The following PSMA6 variants were observed in gnomAD, a reference collection of about 807,000 sequenced individuals.
PSMA6 encodes proteasome subunit alpha type-6.
For missense variants in PSMA6, 170 were observed against 294.8 expected, an observed-to-expected ratio of 0.58 and a Z score of 3.10; for synonymous variants, 88 against 97.7, an observed-to-expected ratio of 0.90 and a Z score of 0.59.
chr14:35,310,886 C>G lies in PSMA6; in HGVS notation c.400C>G (p.Leu134Val). Reference protein sequence around the residue: ...VYTQNAEMRPLGCCMILIGID... With the variant: ...VYTQNAEMRPVGCCMILIGID... ...CACACAGAATGCTGAAATGAGGCCT[C>G]TTGGTTGTTGTAAGTATGCTAAGAG... The change falls in exon 4 of 7, where the codon CTT becomes GTT. Residue 134 changes from leucine (L) to valine (V), a missense_variant. Coordinates refer to ENST00000261479, the MANE Select transcript of PSMA6 (RefSeq NM_002791.3). The G allele has an allele frequency of 6.2e-7, 1 of 1,613,536 alleles. No individual in the cohort carries two copies. Among genetic ancestry groups the G allele is most frequent in the Non-Finnish European group, 8.5e-7 (1 of 1,179,752 alleles).
At chr14:35,292,810 CTG>C in intron 1 of PSMA6, 1 of 604,644 alleles carries the variant, frequency 1.7e-6, no homozygotes, top group Non-Finnish European at 2.9e-6. Context: ...GAAGATAGGG[CTG>C]TAATGCCTGA....
chr14:35,302,263 A>G (rs1220169837), intron 1 of PSMA6, among the ~76,000 whole-genome samples: 2 of 152,112 alleles, frequency 1.3e-5, no homozygotes, highest in Admixed American at 6.6e-5. Flanking sequence ...ATTTCTGGCC[A>G]TGTTGTCCAG....
chr14:35,308,611 A>AT (rs2051878784), intron 2 of PSMA6, among the ~76,000 whole-genome samples: 1 of 152,194 alleles, frequency 6.6e-6, no homozygotes, highest in Non-Finnish European at 1.5e-5. Context: ...TCATGGCGTG[A>AT]TTATAAGCAT....
chr14:35,289,478 C>T (rs2051453959), upstream of PSMA6, among the ~76,000 whole-genome samples: 1 of 151,958 alleles, frequency 6.6e-6, no homozygotes, highest in Non-Finnish European at 1.5e-5. Flanking sequence ...ATTACAGGTG[C>T]ACACCATTAC....
intron 1 of PSMA6, among the ~76,000 whole-genome samples, chr14:35,282,102 A>G (rs2051371753): frequency 6.6e-6 from 1 of 152,218 alleles, no homozygotes; most frequent in Non-Finnish European, 1.5e-5. Flanking sequence ...CCAATTCCAC[A>G]TTTGCAGCTG....
intron 1 of PSMA6, among the ~76,000 whole-genome samples, chr14:35,302,743 A>G (rs8018597): frequency 0.87 from 132,864 of 152,096 alleles, 58,232 homozygotes; most frequent in African/African-American, 0.94. Context: ...ATCATTTGAT[A>G]CATTTTCATA....
intron 1 of PSMA6, among the ~76,000 whole-genome samples, chr14:35,280,817 C>G (rs1204682373): frequency 6.6e-6 from 1 of 152,098 alleles, no homozygotes; most frequent in Non-Finnish European, 1.5e-5. Context: ...GCCTCAAACT[C>G]CTGGGCTCAA....
chr14:35,287,316 C>T (rs772685297), intron 1 of PSMA6, among the ~76,000 whole-genome samples: 6 of 152,178 alleles, frequency 3.9e-5, no homozygotes, highest in Non-Finnish European at 7.3e-5. Flanking sequence ...TTTGGGGCCC[C>T]TTAACATCAG....
In PSMA6 at chr14:35,292,402, C is replaced by T. The variant is rs865930390; in HGVS notation, c.-75C>T. The T allele has an allele frequency of 1.9e-6, 3 of 1,554,464 alleles. No homozygotes were observed. Among genetic ancestry groups the T allele is most frequent in the Non-Finnish European group, 2.6e-6 (3 of 1,151,850 alleles). On this transcript the variant is annotated 5_prime_UTR_variant, in exon 1 of 7. Coordinates refer to ENST00000261479, the MANE Select transcript of PSMA6 (RefSeq NM_002791.3). ...ACCCCGGAAGCAGTCGCTGCAACTT[C>T]CGGGAGGTGCTTGTGTGCCTGGTGC...
rs566056077 is a variant in PSMA6, at chr14:35,308,882, A to T, written c.172-32A>T. On this transcript the variant is annotated intron_variant, in intron 2 of 6. Transcript: ENST00000261479. The stretch of plus-strand genomic sequence containing the variant: ...CTACACAGAAACCTGTATGTTTTTT[A>T]AAAAATTATCTTTGTTTATTTTGTT... 2,543 of 1,505,080 alleles carry T rather than the reference A, an allele frequency of 1.7e-3. 66 individuals carry two copies. The South Asian group carries it at 0.028, about 17-fold the overall frequency. The allele number at this position is 1,505,080 out of a possible 1,614,324, so 93.2% of individuals were successfully genotyped here. A position where few individuals can be genotyped will look rare whatever the true frequency, so the allele number is the denominator to read the frequency against.
At chr14:35,281,310 T>G (rs2051364217) in intron 1 of PSMA6, among the ~76,000 whole-genome samples, 2 of 152,184 alleles carry the variant, frequency 1.3e-5, no homozygotes, top group South Asian at 4.1e-4. Context: ...CCCATTAATT[T>G]CCTGAAAGAG....
Position 35,292,436 on chromosome 14 carries a change from C to T in PSMA6, c.-41C>T. 2 of 1,592,884 alleles carry T rather than the reference C, an allele frequency of 1.3e-6. No individual in the cohort carries two copies. Among genetic ancestry groups the T allele is most frequent in the Non-Finnish European group, 1.7e-6 (2 of 1,169,856 alleles). ...GCTTGTGTGCCTGGTGCGGGAGCTA[C>T]GGGGCCCAGGGATTGTGTTTAAAGT... On this transcript the variant is annotated 5_prime_UTR_variant, in exon 1 of 7. The change creates a new upstream start codon in the 5' untranslated region. Transcript: ENST00000261479.
At chr14:35,291,922 G>C (rs2051489386), upstream of PSMA6, among the ~76,000 whole-genome samples, 1 of 151,904 alleles carries the variant, frequency 6.6e-6, no homozygotes, top group Non-Finnish European at 1.5e-5. Context: ...CTTTCCAGCG[G>C]CTGCTTGAAC....
intron 1 of PSMA6, among the ~76,000 whole-genome samples, chr14:35,294,211 T>C (rs1331723606): frequency 2.0e-5 from 3 of 152,174 alleles, no homozygotes; most frequent in African/African-American, 7.2e-5. Context: ...TGGCTAATTT[T>C]GTATTTTTAG....
upstream of PSMA6, chr14:35,292,194 G>A (rs951123704): frequency 1.1e-5 from 8 of 714,034 alleles, no homozygotes; most frequent in African/African-American, 1.3e-4. Flanking sequence ...AAGCCTGAAA[G>A]CGCCACGACC....
At chr14:35,284,096 C>G (rs999126911) in intron 1 of PSMA6, among the ~76,000 whole-genome samples, 1 of 152,180 alleles carries the variant, frequency 6.6e-6, no homozygotes, top group African/African-American at 2.4e-5. Flanking sequence ...CCGTAGCCTT[C>G]CAACTAGATA....
At chr14:35,278,700 A>G (rs753885350) in exon 1 of PSMA6, 27 of 1,534,732 alleles carry the variant, frequency 1.8e-5, no homozygotes, top group South Asian at 2.4e-5. Context: ...GGAGGTGGCT[A>G]TGGCAGGTCT....
intron 1 of PSMA6, 55 bp downstream of exon 1, chr14:35,292,607 G>A (rs1040340914): frequency 6.3e-7 from 1 of 1,591,474 alleles, no homozygotes; most frequent in Non-Finnish European, 8.6e-7. Flanking sequence ...CATGGTACGT[G>A]CCTGGAGCGA....
intron 4 of PSMA6, among the ~76,000 whole-genome samples, chr14:35,311,309 A>G (rs754786856): frequency 2.6e-5 from 4 of 152,242 alleles, no homozygotes; most frequent in Non-Finnish European, 4.4e-5. Context: ...TCACATTTTT[A>G]GAATAAATTT....
Sources: allele counts gnomAD v4.1 joint callset (sites outside exome capture counted in the v4.1 genomes callset), GRCh38; gene constraint gnomAD v4.1.1; transcripts MANE v1.5; gene names NCBI Gene and HGNC (gene_info 2026-07-23, HGNC 2026-07-21).